PTPRA: variants seen among roughly 807,000 people sequenced by gnomAD.
The protein encoded by PTPRA is receptor-type tyrosine-protein phosphatase alpha.
PTPRA carries 25 observed loss-of-function variants against 104.8 expected under a neutral mutation model. The observed-to-expected ratio is 0.24, with a 90% confidence interval of 0.17 to 0.33. The LOEUF (loss-of-function observed/expected upper bound fraction) is 0.33. Ranked by LOEUF, PTPRA falls within the 10% of genes least tolerant of loss-of-function variation. The pLI is 1.00. For missense variants in PTPRA, 765 were observed against 1,015.3 expected, an observed-to-expected ratio of 0.75 and a Z score of 3.35; for synonymous variants, 323 against 368.9, an observed-to-expected ratio of 0.88 and a Z score of 1.43.
intron 6 of PTPRA, among the ~76,000 whole-genome samples, chr20:2,979,820 A>AT (rs2062596559): frequency 1.3e-5 from 2 of 152,218 alleles, no homozygotes; most frequent in Non-Finnish European, 2.9e-5. Flanking sequence ...TTGGGCTTAC[A>AT]GGCATGAGCC....
chr20:2,974,429 AT>A lies in PTPRA; in HGVS notation c.416-775del, dbSNP rs201543217. Among the ~76,000 whole-genome samples, 63 of 137,472 alleles carry A rather than the reference AT, an allele frequency of 4.6e-4. 1 individual carries two copies. The South Asian group carries it at 6.5e-3, about 14-fold the overall frequency. 90.2% of individuals were successfully genotyped at this position (137,472 alleles called of 152,430 possible). On this transcript the variant is annotated intron_variant, in intron 5 of 23. Coordinates refer to ENST00000399903, the MANE Select transcript of PTPRA (RefSeq NM_001385305.1). Reference sequence around the variant, plus strand: ...CTGTGCCCAGCCCATTTTGGTTTTGATTTTTTTTTTTCTTTGAAATAGAGTC... The same window carrying A: ...CTGTGCCCAGCCCATTTTGGTTTTGATTTTTTTTTTCTTTGAAATAGAGTC...
At chr20:3,007,956 G>A (rs143488104) in intron 11 of PTPRA, among the ~76,000 whole-genome samples, 394 of 152,308 alleles carry the variant, frequency 2.6e-3, no homozygotes, top group African/African-American at 8.1e-3. Context: ...AGAACAGTCT[G>A]TATGAGAGAT....
intron 3 of PTPRA, among the ~76,000 whole-genome samples, chr20:2,960,879 T>G (rs2061732856): frequency 2.6e-5 from 4 of 152,014 alleles, no homozygotes; most frequent in Admixed American, 2.6e-4. Flanking sequence ...GATCTTTTAC[T>G]GTCTCCATGG....
intron 1 of PTPRA, among the ~76,000 whole-genome samples, chr20:2,890,562 T>C (rs1228644290): frequency 6.6e-6 from 1 of 152,204 alleles, no homozygotes; most frequent in Non-Finnish European, 1.5e-5. Flanking sequence ...TAGTAGTTGA[T>C]TTGGGGCACA....
At chr20:2,953,324 G>A (rs191323990) in intron 3 of PTPRA, among the ~76,000 whole-genome samples, 5 of 151,734 alleles carry the variant, frequency 3.3e-5, no homozygotes, top group Admixed American at 1.3e-4. Context: ...GCGCAATCTC[G>A]GCTCACTGCA....
At chr20:3,021,924 GGTTA>G (rs1399438482) in intron 14 of PTPRA, 126 bp from the exon 15 acceptor site, 1 of 1,181,404 alleles carries the variant, frequency 8.5e-7, no homozygotes, top group East Asian at 2.6e-5. Flanking sequence ...TTGTGTCTGT[GGTTA>G]ACTAACTCCC....
chr20:2,994,486 G>C (rs989611954), intron 9 of PTPRA, among the ~76,000 whole-genome samples: 24 of 152,188 alleles, frequency 1.6e-4, no homozygotes, highest in African/African-American at 5.6e-4. Context: ...TTTTGAAATA[G>C]TCCCTTCCAC....
At chr20:2,952,784 C>T (rs2061397107) in intron 3 of PTPRA, among the ~76,000 whole-genome samples, 1 of 152,110 alleles carries the variant, frequency 6.6e-6, no homozygotes, top group African/African-American at 2.4e-5. Context: ...AGTTTGACTG[C>T]TCTAAGTACT....
intron 3 of PTPRA, among the ~76,000 whole-genome samples, chr20:2,957,948 ATTTT>A (rs11480557): frequency 6.9e-6 from 1 of 144,520 alleles, no homozygotes; most frequent in African/African-American, 2.5e-5. Flanking sequence ...GAGTTATTTG[ATTTT>A]TTTTTTTTTT....
At chr20:3,011,516 G>A (rs971151675) in intron 11 of PTPRA, among the ~76,000 whole-genome samples, 4 of 152,218 alleles carry the variant, frequency 2.6e-5, no homozygotes, top group Admixed American at 1.3e-4. Flanking sequence ...ACCCAGTAGA[G>A]CTCATTATTG....
chr20:3,037,575 A>G lies in PTPRA; in HGVS notation c.2334+286A>G, dbSNP rs981665094. On this transcript the variant is annotated intron_variant, in intron 23 of 23. Transcript: ENST00000399903. This position sits in a 1 kb window ranked among gnomAD's most constrained non-coding sequence, Gnocchi z 4.3. ...TGTGGGTCTTGGGTAAGGAAGATCC[A>G]TGAAGAGTACCTGCCTTTGGGCTTG... Among the ~76,000 whole-genome samples the G allele has an allele frequency of 6.6e-6, 1 of 152,236 alleles. No individual in the cohort carries two copies. The highest frequency in any genetic ancestry group is 2.4e-5 in the African/African-American group (1 of 41,470).
chr20:2,910,292 T>C (rs1220130740), intron 1 of PTPRA, among the ~76,000 whole-genome samples: 3 of 133,768 alleles, frequency 2.2e-5, no homozygotes, highest in Non-Finnish European at 3.1e-5. Context: ...ATATATAATA[T>C]GTATTATATA....
At position 2,965,107 on chromosome 20, in the gene PTPRA, G is replaced by A; in HGVS notation, c.320G>A (p.Trp107Ter). ...IGITISPNGTWLPDNQFTDAR... is the reference protein window; with the variant it reads ...IGITISPNGT ...ATTACAATTTCACCAAATGGAACGTGGCTTCCAGATAACCAGTTCACGGAT... is the reference window on the plus strand; with the variant it reads ...ATTACAATTTCACCAAATGGAACGTAGCTTCCAGATAACCAGTTCACGGAT... The change falls in exon 5 of 24, where the codon TGG (tryptophan) becomes TAG (stop). Residue 107 changes from tryptophan to a stop codon, truncating the protein, a stop_gained. Transcript: ENST00000399903. LOFTEE classifies it high-confidence loss of function. 6.2e-7 allele frequency: 1 copy of A among 1,614,152 alleles called. No homozygotes were observed. The highest frequency in any genetic ancestry group is 8.5e-7 in the Non-Finnish European group (1 of 1,180,014).
intron 18 of PTPRA, 45 bp from the exon 19 acceptor site, chr20:3,027,076 G>T (rs772464738): frequency 6.3e-7 from 1 of 1,590,118 alleles, no homozygotes; most frequent in Admixed American, 1.7e-5. Context: ...GAGAGGGAGA[G>T]GACAAATGAT....
intron 2 of PTPRA, among the ~76,000 whole-genome samples, chr20:2,927,813 C>T (rs2060359178): frequency 6.6e-6 from 1 of 152,062 alleles, no homozygotes; most frequent in Non-Finnish European, 1.5e-5. Flanking sequence ...AGTTCAAGAC[C>T]AGCCTGGCCA....
rs529559340 is a variant in PTPRA at position 2,916,912 on chromosome 20, G to A, written c.-128-6295G>A. Among the ~76,000 whole-genome samples, 14 of 151,786 alleles carry A rather than the reference G, an allele frequency of 9.2e-5. No individual in the cohort carries two copies. The South Asian group carries it at 2.9e-3, about 32-fold the overall frequency. ...TTTTCAAGATTGTTTTGGCCATTCG[G>A]AGTCCCTTGCAATTCCATATAAATT... On this transcript the variant is annotated intron_variant, in intron 1 of 23. Transcript: ENST00000399903.
chr20:3,003,123 T>C (rs1286372821), intron 9 of PTPRA, among the ~76,000 whole-genome samples: 1 of 152,230 alleles, frequency 6.6e-6, no homozygotes, highest in Non-Finnish European at 1.5e-5. Flanking sequence ...TTCATCATGG[T>C]ATATAATTAT....
At chr20:2,956,191 A>G (rs936792183) in intron 3 of PTPRA, among the ~76,000 whole-genome samples, 2 of 152,144 alleles carry the variant, frequency 1.3e-5, no homozygotes, top group Admixed American at 6.5e-5. Context: ...TCCTTACTTC[A>G]AACCCCACCA....
intron 2 of PTPRA, among the ~76,000 whole-genome samples, chr20:2,933,605 C>T (rs570676308): frequency 6.6e-6 from 1 of 151,834 alleles, no homozygotes; most frequent in Admixed American, 6.6e-5. Context: ...GGATTACAGG[C>T]GCACGCCACC....
Sources: gnomAD v4.1 joint callset for allele counts (sites outside exome capture counted in the v4.1 genomes callset) on GRCh38, gnomAD v4.1.1 for gene constraint, Gnocchi (gnomAD v3.1) non-coding constraint, MANE v1.5 for transcripts, NCBI Gene and HGNC (gene_info 2026-07-23, HGNC 2026-07-21) for gene names.